Variants in RAPGEF3 observed in about 807,000 individuals in gnomAD.
RAPGEF3 encodes the protein Rap guanine nucleotide exchange factor 3.
RAPGEF3 carries 103 observed loss-of-function variants against 129.8 expected under a neutral mutation model. That is an observed-to-expected ratio of 0.79 (90% CI 0.68 to 0.93). RAPGEF3 has a LOEUF of 0.93. Among genes scored for constraint, RAPGEF3 ranks in the 40% least tolerant of loss-of-function variants. The pLI, the probability that RAPGEF3 is intolerant of heterozygous loss-of-function variation, is 0.00. For synonymous variants in RAPGEF3, 436 were observed against 482.6 expected (o/e 0.90, Z 1.26); for missense variants, 1,117 against 1,207.4 (o/e 0.93, Z 1.11).
intron 5 of RAPGEF3, 57 bp downstream of exon 5, chr12:47,751,342 C>G: frequency 6.2e-7 from 1 of 1,608,402 alleles, no homozygotes; most frequent in Non-Finnish European, 8.5e-7. Flanking sequence ...CTGCCCTGTC[C>G]TGTCCCCCTC....
At chr12:47,758,452 C>T in intron 1 of RAPGEF3, 99 bp downstream of exon 1, 1 of 1,584,744 alleles carries the variant, frequency 6.3e-7, no homozygotes, top group Non-Finnish European at 8.6e-7. Flanking sequence ...CCTCCTCAGC[C>T]CTGACTAACC....
chr12:47,739,229 T>A lies in RAPGEF3; in HGVS notation c.2375A>T (p.Asp792Val). 1.9e-6 allele frequency: 3 copies of A among 1,608,302 alleles called. No individual in the cohort carries two copies. The highest frequency in any genetic ancestry group is 2.6e-6 in the Non-Finnish European group (3 of 1,175,384). The change falls in exon 24 of 28, where the codon GAT becomes GTT. Residue 792 changes from aspartate to valine, a missense_variant and splice_region_variant. Asp to Val is a radical substitution (Grantham distance 152). This residue lies in a region of RAPGEF3 where 643 missense variants were observed against 673.4 expected (regional missense o/e 0.95). Transcript: ENST00000449771. ...GTATACCCGGTGGTTCCATGAGGGATCCTAGGGGAAGAAGCCACACTGAGG... is the reference window on the plus strand; with the variant it reads ...GTATACCCGGTGGTTCCATGAGGGAACCTAGGGGAAGAAGCCACACTGAGG... ...KLYSALERLL[D>V]PSWNHRVYRL...
In RAPGEF3 at chr12:47,758,806, A is replaced by T; in HGVS notation, c.-250T>A. ...GGGACGCCACCCAGCCACCGGCGAC[A>T]GGGAGCCCCGAGCCTGCGCCTTCGT... is the stretch of plus-strand genomic sequence containing the variant. On this transcript the variant is annotated 5_prime_UTR_variant, in exon 1 of 28. Coordinates refer to ENST00000449771, the MANE Select transcript of RAPGEF3 (RefSeq NM_001098531.4). The T allele has an allele frequency of 8.1e-7, 1 of 1,233,874 alleles. No individual in the cohort carries two copies. Among genetic ancestry groups the T allele is most frequent in the East Asian group, 3.3e-5 (1 of 30,760 alleles). 76.4% of individuals were successfully genotyped at this position (1,233,874 alleles called of 1,614,324 possible).
intron 16 of RAPGEF3, chr12:47,746,574 C>T: frequency 1.5e-6 from 1 of 685,074 alleles, no homozygotes; most frequent in Non-Finnish European, 2.7e-6. Context: ...CCTCATCTCC[C>T]AGGCTCTACC....
chr12:47,737,834 G>T (rs1163239935), intron 27 of RAPGEF3, 149 bp from the exon 28 acceptor site: 4 of 1,122,396 alleles, frequency 3.6e-6, no homozygotes, highest in Non-Finnish European at 5.3e-6. Flanking sequence ...GGCTGTCCCT[G>T]CCCACCCCAC....
At position 47,735,597 on chromosome 12, in the gene RAPGEF3, G is replaced by C. The variant is rs1940773732; in HGVS notation, c.*1970C>G. 1 of 152,434 alleles carries C rather than the reference G, an allele frequency of 6.6e-6. No homozygotes were observed. Among genetic ancestry groups the C allele is most frequent in the African/African-American group, 2.4e-5 (1 of 41,460 alleles). The allele number at this position is 152,434 out of a possible 1,614,324, so 9.4% of individuals were successfully genotyped here. ...GACTGGGGCAGCTGGGAGACCACCGGGTGGCTGCAGGGTGGTCTGGACTGT... is the reference window on the plus strand; with the variant it reads ...GACTGGGGCAGCTGGGAGACCACCGCGTGGCTGCAGGGTGGTCTGGACTGT... On this transcript the variant is annotated 3_prime_UTR_variant, in exon 28 of 28. Transcript: ENST00000449771.
chr12:47,747,243 C>A (rs532011613), intron 15 of RAPGEF3, among the ~76,000 whole-genome samples: 3 of 152,094 alleles, frequency 2.0e-5, no homozygotes, highest in Admixed American at 1.3e-4. Context: ...ATGTACCGGG[C>A]GGGACTGGCA....
rs1287634260 is a variant in RAPGEF3, at chr12:47,741,513, G to T, written c.1915C>A (p.His639Asn). The T allele has an allele frequency of 6.2e-7, 1 of 1,613,928 alleles. No homozygotes were observed. Among genetic ancestry groups the T allele is most frequent in the Admixed American group, 1.7e-5 (1 of 60,030 alleles). Reference protein sequence around the residue: ...RLFVVNPQEVHELIPHPDQLG... With the variant: ...RLFVVNPQEVNELIPHPDQLG... ...CCCTGCCTGGTCCCTACCAGCTCAT[G>T]CACTTCCTGTGGGTTGACAACAAAG... Residue 639 changes from histidine (H) to asparagine (N), a missense_variant, in exon 19 of 28, where the codon CAT (histidine) becomes AAT (asparagine). Physicochemically the swap from His to Asn is moderately conservative, Grantham distance 68. Around this residue, in one of 3 missense-constraint regions of RAPGEF3, gnomAD observed 643 missense variants for 673.4 expected, o/e 0.95. Coordinates refer to ENST00000449771, the MANE Select transcript of RAPGEF3 (RefSeq NM_001098531.4).
At chr12:47,739,066 T>G in intron 24 of RAPGEF3, 77 bp downstream of exon 24, 1 of 1,230,708 alleles carries the variant, frequency 8.1e-7, no homozygotes. Flanking sequence ...GGATGGGGGA[T>G]GGAGGCAGGA....
intron 2 of RAPGEF3, among the ~76,000 whole-genome samples, chr12:47,754,416 C>A (rs1266914787): frequency 6.6e-6 from 1 of 152,168 alleles, no homozygotes; most frequent in Non-Finnish European, 1.5e-5. Context: ...TAGGATGGGG[C>A]GGAGAGAGGG....
At chr12:47,741,870 C>T in intron 18 of RAPGEF3, 2 of 508,140 alleles carry the variant, frequency 3.9e-6, no homozygotes, top group Admixed American at 6.4e-5. Context: ...GCCTCACTTT[C>T]TTCCCTGGTA....
chr12:47,747,012 G>T, intron 15 of RAPGEF3, 113 bp from the exon 16 acceptor site: 1 of 992,408 alleles, frequency 1.0e-6, no homozygotes, highest in African/African-American at 1.7e-5. Flanking sequence ...TCAGAGGTAA[G>T]CACGACCAGG....
intron 2 of RAPGEF3, chr12:47,755,821 G>A (rs1018054543): frequency 1.3e-5 from 2 of 152,160 alleles, no homozygotes; most frequent in Admixed American, 1.3e-4. Flanking sequence ...CCTGGGACTC[G>A]GGCTCCACCC....
Position 47,758,639 on chromosome 12 carries a change from G to A in RAPGEF3, c.-83C>T, listed in dbSNP as rs905863743. On this transcript the variant is annotated 5_prime_UTR_variant, in exon 1 of 28. Coordinates refer to ENST00000449771, the MANE Select transcript of RAPGEF3 (RefSeq NM_001098531.4). The stretch of plus-strand genomic sequence containing the variant: ...AGCGACCCCCATCAGCTTTGATAAG[G>A]GGATCCGGAGGGTGCCAGTGGGTAA... The A allele has an allele frequency of 7.5e-6, 12 of 1,596,336 alleles. No individual in the cohort carries two copies. In the Middle Eastern group the frequency reaches 8.3e-4, roughly 111 times the overall value.
rs755563251 is a variant in RAPGEF3, at chr12:47,750,411, G to A, written c.686C>T (p.Thr229Met). 28 of 1,613,600 alleles carry A rather than the reference G, an allele frequency of 1.7e-5. No individual in the cohort carries two copies. The highest frequency in any genetic ancestry group is 1.7e-4 in the Middle Eastern group (1 of 6,042). Residue 229 changes from threonine (T) to methionine (M), a missense_variant, in exon 7 of 28, where the codon ACG (threonine) becomes ATG (methionine). By Grantham distance (81) the Thr-to-Met change is moderately conservative. Transcript: ENST00000449771. ...AAAGATGAGGTCCAGCTCTTCATCC[G>A]TGCGCTGACCTGGGCTGCAGGGACA... The part of the protein sequence containing the change: ...VALRKPPGQR[T>M]DEELDLIFEE...
Position 47,743,660 on chromosome 12 carries a change from G to A in RAPGEF3, c.1695C>T (p.Cys565=), listed in dbSNP as rs750616190. The A allele has an allele frequency of 6.2e-7, 1 of 1,609,622 alleles. No individual in the cohort carries two copies. The highest frequency in any genetic ancestry group is 8.5e-7 in the Non-Finnish European group (1 of 1,176,360). Residue 565 remains cysteine, a synonymous_variant, in exon 18 of 28, where the codon TGC becomes TGT. Transcript: ENST00000449771. ...GGGTCAACACTGAGTGGTCTGGCCG[G>A]CAGATGTCATAGGGGACTGAAGAGG... is the stretch of plus-strand genomic sequence containing the variant. The part of the protein sequence containing the change: ...QVGDKVPYDI[C]RPDHSVLTLQ...
chr12:47,743,665 T>C lies in RAPGEF3; in HGVS notation c.1690A>G (p.Ile564Val), dbSNP rs368286046. The C allele has an allele frequency of 2.1e-5, 34 of 1,608,854 alleles. No homozygotes were observed. The African/African-American group carries it at 4.3e-4, about 20-fold the overall frequency. Reference protein sequence around the residue: ...IQVGDKVPYDICRPDHSVLTL... With the variant: ...IQVGDKVPYDVCRPDHSVLTL... ...AACACTGAGTGGTCTGGCCGGCAGA[T>C]GTCATAGGGGACTGAAGAGGAGACC... is the stretch of plus-strand genomic sequence containing the variant. The change falls in exon 18 of 28, where the codon ATC becomes GTC. Residue 564 changes from isoleucine (I) to valine (V), a missense_variant. Transcript: ENST00000449771.
rs1209841702 is a variant in RAPGEF3, at chr12:47,749,720, TG to T, written c.894+20del. ...GCAGTTAGGACCCAGGGCACTGGGG[TG>T]GGGAGGAGGGAGGGCTCACCTTGCC... On this transcript the variant is annotated intron_variant, in intron 9 of 27. Coordinates refer to ENST00000449771, the MANE Select transcript of RAPGEF3 (RefSeq NM_001098531.4). This position sits in a 1 kb window ranked among gnomAD's most constrained non-coding sequence, Gnocchi z 4.5. The T allele has an allele frequency of 6.2e-7, 1 of 1,613,148 alleles. No individual in the cohort carries two copies. Among genetic ancestry groups the T allele is most frequent in the Admixed American group, 1.7e-5 (1 of 59,960 alleles).
chr12:47,740,792 TG>T lies in RAPGEF3; in HGVS notation c.2080del (p.Gln694SerfsTer76). The T allele has an allele frequency of 1.2e-6, 2 of 1,613,944 alleles. No homozygotes were observed. Among genetic ancestry groups the T allele is most frequent in the Non-Finnish European group, 1.7e-6 (2 of 1,179,974 alleles). ...GGCGGTGGTGACATCCCGCAGATGCTGGGGGCCCAGCACATAGTGGATCAGC... is the reference window on the plus strand; with the variant it reads ...GGCGGTGGTGACATCCCGCAGATGCTGGGGCCCAGCACATAGTGGATCAGC... ...VELIHYVLGP[Q>X]HLRDVTTANL... On this transcript the variant is annotated frameshift_variant, in exon 21 of 28. Transcript: ENST00000449771. LOFTEE classifies it high-confidence loss of function.
Sources: allele counts gnomAD v4.1 joint callset (sites outside exome capture counted in the v4.1 genomes callset), GRCh38; gene constraint gnomAD v4.1.1; regional missense constraint gnomAD v4.1.1; non-coding constraint Gnocchi (gnomAD v3.1); transcripts MANE v1.5; gene names NCBI Gene and HGNC (gene_info 2026-07-23, HGNC 2026-07-21).